The following ST6GAL1 variants were observed in gnomAD, a reference collection of about 807,000 sequenced individuals.
The protein encoded by ST6GAL1 is beta-galactoside alpha-2,6-sialyltransferase 1.
A neutral mutation model predicts 38.0 loss-of-function variants in ST6GAL1; 20 were observed. That is an observed-to-expected ratio of 0.53 (90% CI 0.37 to 0.77). The LOEUF (loss-of-function observed/expected upper bound fraction) is 0.77, where lower values mean the gene tolerates loss of function less well. ST6GAL1 is among the 30% of genes least tolerant of loss of function. The pLI, the probability that ST6GAL1 is intolerant of heterozygous loss-of-function variation, is 0.00. For missense variants in ST6GAL1, 432 were observed against 496.4 expected (o/e 0.87, Z 1.23); for synonymous variants, 196 against 188.2 (o/e 1.04, Z -0.34).
At chr3:186,936,061 G>A (rs559453197) in intron 1 of ST6GAL1, among the ~76,000 whole-genome samples, 35 of 152,156 alleles carry the variant, frequency 2.3e-4, no homozygotes, top group Non-Finnish European at 4.8e-4. Flanking sequence ...TTGTCCGAGG[G>A]AAGTCCAGCC....
chr3:187,027,818 G>T (rs934997447), intron 2 of ST6GAL1, among the ~76,000 whole-genome samples: 3 of 152,126 alleles, frequency 2.0e-5, no homozygotes, highest in African/African-American at 7.2e-5. Context: ...GGGCATTTCT[G>T]TGCATAAAGT....
At chr3:186,977,922 AAAC>A (rs1363311749) in intron 2 of ST6GAL1, among the ~76,000 whole-genome samples, 3 of 152,274 alleles carry the variant, frequency 2.0e-5, no homozygotes, top group African/African-American at 7.2e-5. Context: ...ATAGATAAGA[AAAC>A]AGTCTCGGCC....
chr3:186,997,078 G>T, intron 2 of ST6GAL1, among the ~76,000 whole-genome samples: 1 of 151,962 alleles, frequency 6.6e-6, no homozygotes, highest in East Asian at 1.9e-4. Flanking sequence ...GGGGAGATTT[G>T]TTTTTAGAGA....
intron 2 of ST6GAL1, among the ~76,000 whole-genome samples, chr3:187,025,923 T>A (rs1402571622): frequency 6.6e-6 from 1 of 152,200 alleles, no homozygotes; most frequent in Non-Finnish European, 1.5e-5. Context: ...CAGTGCTGCC[T>A]GGCTGGGAAA....
At chr3:187,048,145 G>A (rs900218759) in intron 4 of ST6GAL1, among the ~76,000 whole-genome samples, 7 of 152,070 alleles carry the variant, frequency 4.6e-5, no homozygotes, top group African/African-American at 7.2e-5. Context: ...AGGTTTCACT[G>A]TGTTAGCCAG....
At chr3:186,939,562 T>A (rs1441250986) in intron 1 of ST6GAL1, among the ~76,000 whole-genome samples, 1 of 152,186 alleles carries the variant, frequency 6.6e-6, no homozygotes, top group Non-Finnish European at 1.5e-5. Flanking sequence ...TTGTAAACAT[T>A]TTGTGAGTAT....
intron 6 of ST6GAL1, chr3:187,073,509 C>G (rs1373071773): frequency 6.2e-6 from 1 of 160,544 alleles, no homozygotes; most frequent in East Asian, 1.8e-4. Flanking sequence ...GGGAAGGAGA[C>G]ATGAGTGGCA....
chr3:186,951,924 G>A (rs6444185), intron 1 of ST6GAL1, among the ~76,000 whole-genome samples: 5,203 of 152,280 alleles, frequency 0.034, 277 homozygotes, highest in African/African-American at 0.12. Flanking sequence ...CTTTTTCACC[G>A]TGTCCTCATG....
chr3:187,005,456 T>G (rs1716756591), intron 2 of ST6GAL1, among the ~76,000 whole-genome samples: 1 of 151,930 alleles, frequency 6.6e-6, no homozygotes, highest in South Asian at 2.1e-4. Context: ...TTGTATTTTT[T>G]AGTAGAGATG....
chr3:187,039,676 G>T (rs1718062561), intron 3 of ST6GAL1, among the ~76,000 whole-genome samples: 1 of 152,206 alleles, frequency 6.6e-6, no homozygotes, highest in Non-Finnish European at 1.5e-5. Flanking sequence ...GTAGAGAAAA[G>T]TTTGCTACTC....
chr3:186,999,601 G>A (rs796886048), intron 2 of ST6GAL1, among the ~76,000 whole-genome samples: 4 of 151,888 alleles, frequency 2.6e-5, no homozygotes, highest in African/African-American at 9.7e-5. Flanking sequence ...AGTAGAGATG[G>A]GGTTTCACCG....
At chr3:187,067,080 TC>T (rs371379428) in intron 5 of ST6GAL1, among the ~76,000 whole-genome samples, 2,293 of 132,706 alleles carry the variant, frequency 0.017, 74 homozygotes, top group African/African-American at 0.065. Flanking sequence ...TTTCTTTCTT[TC>T]TTTTTTTTTT....
intron 5 of ST6GAL1, among the ~76,000 whole-genome samples, chr3:187,065,835 A>G (rs1182152915): frequency 6.6e-6 from 1 of 152,354 alleles, no homozygotes. Context: ...TAAGGGTCTT[A>G]CATGCCTTCT....
chr3:187,072,335 G>A (rs908531838), intron 5 of ST6GAL1: 9 of 167,140 alleles, frequency 5.4e-5, no homozygotes, highest in East Asian at 1.7e-4. Flanking sequence ...CATCTGTTCC[G>A]TGTTGGAACA....
chr3:187,051,139 A>G, intron 4 of ST6GAL1, 110 bp from the exon 5 acceptor site: 2 of 917,990 alleles, frequency 2.2e-6, no homozygotes, highest in Non-Finnish European at 3.5e-6. Flanking sequence ...ATGATGGGGT[A>G]AAGATGGGGA....
chr3:187,037,332 C>T (rs1033167095), intron 2 of ST6GAL1, among the ~76,000 whole-genome samples: 1 of 152,116 alleles, frequency 6.6e-6, no homozygotes, highest in Non-Finnish European at 1.5e-5. Flanking sequence ...ACTTTATATG[C>T]TTGTTAATTG....
chr3:187,041,713 T>TTAGA (rs1225008035), intron 3 of ST6GAL1, among the ~76,000 whole-genome samples: 1 of 152,202 alleles, frequency 6.6e-6, no homozygotes, highest in Non-Finnish European at 1.5e-5. Context: ...CCTTGACTTC[T>TTAGA]TAGAGCCTCA....
At position 186,984,804 on chromosome 3, in the gene ST6GAL1, CAT is replaced by C. The variant is rs1560151120; in HGVS notation, c.-183+20879_-183+20880del. Among the ~76,000 whole-genome samples, 83 of 32,106 alleles carry C rather than the reference CAT, an allele frequency of 2.6e-3. 2 individuals are homozygous for C. Among genetic ancestry groups the C allele is most frequent in the East Asian group, 0.01 (8 of 762 alleles). The allele number at this position is 32,106 out of a possible 152,430, so 21.1% of individuals were successfully genotyped here. A position where few individuals can be genotyped will look rare whatever the true frequency, so the allele number is the denominator to read the frequency against. On this transcript the variant is annotated intron_variant, in intron 2 of 7. Coordinates refer to ENST00000169298, the MANE Select transcript of ST6GAL1 (RefSeq NM_173216.2). ...CCTTCCTCCCTTCCTTCCTTCCTTC[CAT>C]CCTTCCTTCCTTCCTTCCTTCCCTC...
intron 2 of ST6GAL1, among the ~76,000 whole-genome samples, chr3:186,990,753 C>T (rs1400505562): frequency 1.3e-5 from 2 of 150,488 alleles, no homozygotes; most frequent in Admixed American, 6.6e-5. Flanking sequence ...GCAGAGGTTG[C>T]AGTGAGCCGA....
Sources: gnomAD v4.1 joint callset for allele counts (sites outside exome capture counted in the v4.1 genomes callset) on GRCh38, gnomAD v4.1.1 for gene constraint, MANE v1.5 for transcripts, NCBI Gene and HGNC (gene_info 2026-07-23, HGNC 2026-07-21) for gene names.